CADM2: variants seen among roughly 807,000 people sequenced by gnomAD.
CADM2 encodes cell adhesion molecule 2.
Under a neutral mutation model 49.8 loss-of-function variants are expected in CADM2, and 12 were observed. That is an observed-to-expected ratio of 0.24 (90% CI 0.15 to 0.39). The LOEUF is 0.39. Among genes scored for constraint, CADM2 ranks in the 10% least tolerant of loss-of-function variants. CADM2 has a pLI of 1.00. For synonymous variants in CADM2, 214 were observed against 175.4 expected (o/e 1.22, Z -1.74); for missense variants, 378 against 492.3 (o/e 0.77, Z 2.20).
chr3:85,595,869 T>C (rs2063226860), intron 1 of CADM2, among the ~76,000 whole-genome samples: 1 of 151,958 alleles, frequency 6.6e-6, no homozygotes, highest in Non-Finnish European at 1.5e-5. Flanking sequence ...GAGGCTTTGA[T>C]TGATAAAAAT....
chr3:85,563,582 G>A (rs1456014147), intron 1 of CADM2, among the ~76,000 whole-genome samples: 3 of 152,044 alleles, frequency 2.0e-5, no homozygotes, highest in African/African-American at 2.4e-5. Flanking sequence ...TGAGAACTGT[G>A]AACTATATCG....
chr3:85,460,612 T>C (rs780306175), intron 1 of CADM2, among the ~76,000 whole-genome samples: 7 of 152,180 alleles, frequency 4.6e-5, no homozygotes, highest in Non-Finnish European at 1.0e-4. Flanking sequence ...TGTTTTACCA[T>C]TGCGATTTCT....
intron 1 of CADM2, among the ~76,000 whole-genome samples, chr3:85,199,392 G>A (rs1347258848): frequency 1.8e-5 from 2 of 113,426 alleles, no homozygotes; most frequent in African/African-American, 5.6e-5. Context: ...AGAGAGAGAA[G>A]CCCAAATAGG....
At chr3:85,158,601 A>G (rs2107662430) in intron 1 of CADM2, among the ~76,000 whole-genome samples, 1 of 152,290 alleles carries the variant, frequency 6.6e-6, no homozygotes, top group East Asian at 1.9e-4. Flanking sequence ...ACGAAAAAAC[A>G]AACACTGCAT....
chr3:85,078,161 C>G (rs899182486), intron 1 of CADM2, among the ~76,000 whole-genome samples: 1 of 151,924 alleles, frequency 6.6e-6, no homozygotes, highest in Non-Finnish European at 1.5e-5. Context: ...TAACTAAACT[C>G]TAAGAATTTT....
chr3:85,541,538 A>G (rs1410799079), intron 1 of CADM2, among the ~76,000 whole-genome samples: 1 of 150,342 alleles, frequency 6.7e-6, no homozygotes, highest in African/African-American at 2.4e-5. Flanking sequence ...TTACTACAGG[A>G]TAGTAAATGC....
intron 1 of CADM2, among the ~76,000 whole-genome samples, chr3:85,581,833 A>G (rs186562178): frequency 6.6e-6 from 1 of 152,292 alleles, no homozygotes; most frequent in Admixed American, 6.5e-5. Context: ...CTTCAAAAAA[A>G]AAAAAGGTGA....
chr3:85,755,339 A>G (rs1226035368), intron 2 of CADM2, among the ~76,000 whole-genome samples: 2 of 152,172 alleles, frequency 1.3e-5, no homozygotes, highest in African/African-American at 4.8e-5. Flanking sequence ...ACCCAGGAAT[A>G]GCCAAATGGA....
chr3:86,064,931 C>T (rs1394363481), intron 8 of CADM2, among the ~76,000 whole-genome samples: 1 of 152,188 alleles, frequency 6.6e-6, no homozygotes, highest in African/African-American at 2.4e-5. Context: ...CTATCAACAG[C>T]ATTTAACAGT....
At position 85,731,632 on chromosome 3, in the gene CADM2, T is replaced by C. The variant is rs2067933476; in HGVS notation, c.88+5084T>C. On this transcript the variant is annotated intron_variant, in intron 2 of 9. Coordinates refer to ENST00000383699, the MANE Select transcript of CADM2 (RefSeq NM_001167675.2). ...GTTTCACTATATTTCCTCTTCATAA[T>C]GGCATTCATATGTTTATATTCATTA... 2.0e-5 allele frequency among the ~76,000 whole-genome samples: 3 copies of C among 152,154 alleles called. No homozygotes were observed. The South Asian group carries it at 6.2e-4, about 31-fold the overall frequency.
rs1452029829 is a variant in CADM2 at position 84,959,792 on chromosome 3, C to T, written c.61+124C>T. ...TCCCCAGCGATTTCCACCCCCTCCC[C>T]CTACTCTCTGGTGCGGCAGGGGGCA... is the stretch of plus-strand genomic sequence containing the variant. On this transcript the variant is annotated intron_variant, in intron 1 of 9. Coordinates refer to ENST00000383699, the MANE Select transcript of CADM2 (RefSeq NM_001167675.2). 3.3e-6 allele frequency: 3 copies of T among 901,426 alleles called. No homozygotes were observed. The African/African-American group carries it at 4.9e-5, about 15-fold the overall frequency. 55.8% of individuals were successfully genotyped at this position (901,426 alleles called of 1,614,324 possible).
intron 3 of CADM2, among the ~76,000 whole-genome samples, chr3:85,812,290 A>T (rs1430245279): frequency 6.6e-6 from 1 of 152,128 alleles, no homozygotes; most frequent in Admixed American, 6.6e-5. Flanking sequence ...TAGAAAAAAA[A>T]TAATTCGACT....
At chr3:85,566,000 C>G (rs972050648) in intron 1 of CADM2, among the ~76,000 whole-genome samples, 6 of 151,978 alleles carry the variant, frequency 3.9e-5, no homozygotes, top group African/African-American at 1.4e-4. Flanking sequence ...TAATAAACCC[C>G]TTTCTCTAAG....
chr3:85,457,230 T>TGGCAAAA (rs2038033309), intron 1 of CADM2, among the ~76,000 whole-genome samples: 1 of 152,006 alleles, frequency 6.6e-6, no homozygotes, highest in African/African-American at 2.4e-5. Flanking sequence ...CTGGGCAACA[T>TGGCAAAA]GGCAAAACAC....
At chr3:85,568,441 T>TTCTCTTTCTCTC (rs1227075107) in intron 1 of CADM2, among the ~76,000 whole-genome samples, 6 of 27,476 alleles carry the variant, frequency 2.2e-4, no homozygotes, top group Non-Finnish European at 4.3e-4. Context: ...CTTTCTTTCT[T>TTCTCTTTCTCTC]TCTTTCTTTC....
At chr3:85,935,727 A>G (rs757610418) in intron 6 of CADM2, 40 bp from the exon 7 acceptor site, 8 of 1,083,178 alleles carry the variant, frequency 7.4e-6, no homozygotes, top group South Asian at 5.8e-5. Context: ...CTAGTTTTGT[A>G]TGTGTTTAAT....
chr3:85,014,811 A>G (rs190161767), intron 1 of CADM2, among the ~76,000 whole-genome samples: 4 of 152,202 alleles, frequency 2.6e-5, no homozygotes, highest in Non-Finnish European at 2.9e-5. Flanking sequence ...ACATACCATC[A>G]ATGTTTCATT....
chr3:85,329,416 C>T (rs1460037932), intron 1 of CADM2, among the ~76,000 whole-genome samples: 3 of 149,112 alleles, frequency 2.0e-5, no homozygotes, highest in Non-Finnish European at 3.0e-5. Context: ...CACACACACA[C>T]ACAATTAGCC....
At chr3:85,974,540 T>C (rs1161071257) in intron 8 of CADM2, among the ~76,000 whole-genome samples, 7 of 151,604 alleles carry the variant, frequency 4.6e-5, no homozygotes, top group Non-Finnish European at 8.9e-5. Context: ...GGAGTTCCTA[T>C]CAGAGTCACG....
Sources: allele counts gnomAD v4.1 joint callset (sites outside exome capture counted in the v4.1 genomes callset), GRCh38; gene constraint gnomAD v4.1.1; transcripts MANE v1.5; gene names NCBI Gene and HGNC (gene_info 2026-07-23, HGNC 2026-07-21).